Variants in UBE2E2 observed in about 807,000 individuals in gnomAD.
UBE2E2 encodes the protein ubiquitin-conjugating enzyme E2 E2.
Under a neutral mutation model 24.7 loss-of-function variants are expected in UBE2E2, and 6 were observed. That is an observed-to-expected ratio of 0.24 (90% CI 0.13 to 0.48). The LOEUF is 0.48. Ranked by LOEUF, UBE2E2 falls within the 20% of genes least tolerant of loss-of-function variation. The pLI is 0.99. For missense variants in UBE2E2, 169 were observed against 245.0 expected (o/e 0.69, Z 2.07); for synonymous variants, 104 against 83.6 (o/e 1.24, Z -1.33).
At chr3:23,447,430 GAGTT>G (rs1698460934) in intron 3 of UBE2E2, among the ~76,000 whole-genome samples, 1 of 152,176 alleles carries the variant, frequency 6.6e-6, no homozygotes, top group Non-Finnish European at 1.5e-5. Context: ...TAGTTATTGT[GAGTT>G]AGTTGTAGTT....
intron 3 of UBE2E2, among the ~76,000 whole-genome samples, chr3:23,422,121 T>G (rs928842520): frequency 2.0e-5 from 3 of 152,182 alleles, no homozygotes; most frequent in Admixed American, 6.5e-5. Context: ...ATTATAAATA[T>G]TTATATTCCA....
At chr3:23,562,416 A>C (rs569337372) in intron 5 of UBE2E2, among the ~76,000 whole-genome samples, 2 of 152,354 alleles carry the variant, frequency 1.3e-5, no homozygotes, top group South Asian at 4.1e-4. Context: ...CCAGGAAAGA[A>C]GCCCACTTGA....
At chr3:23,449,930 G>A (rs1403039979) in intron 3 of UBE2E2, 4 of 985,262 alleles carry the variant, frequency 4.1e-6, no homozygotes, top group Non-Finnish European at 4.8e-6. Flanking sequence ...CCCCTAGTGA[G>A]GAAATGTACC....
intron 5 of UBE2E2, among the ~76,000 whole-genome samples, chr3:23,548,562 G>A (rs923767622): frequency 4.6e-5 from 7 of 152,148 alleles, no homozygotes; most frequent in South Asian, 4.2e-4. Flanking sequence ...AGAACTTTGC[G>A]GTGTATTCTT....
intron 4 of UBE2E2, 75 bp from the exon 5 acceptor site, chr3:23,532,479 T>A: frequency 7.5e-7 from 1 of 1,331,368 alleles, no homozygotes; most frequent in Non-Finnish European, 9.9e-7. Context: ...GGCAATTTTA[T>A]TAGACAAAAA....
chr3:23,349,339 AG>A (rs1695655695), intron 3 of UBE2E2, among the ~76,000 whole-genome samples: 1 of 152,170 alleles, frequency 6.6e-6, no homozygotes. Context: ...TTTCCATCTG[AG>A]GTACTGGGTT....
rs369501036 is a variant in UBE2E2 at position 23,588,479 on chromosome 3, C to T, written c.509-1255C>T. On this transcript the variant is annotated intron_variant, in intron 5 of 5. Transcript: ENST00000396703. ...TCACCCAGGCTGGTATGTGGTGGCA[C>T]GATCATAGCTCACTACAGACTCAAA... Among the ~76,000 whole-genome samples the T allele has an allele frequency of 2.7e-4, 40 of 147,862 alleles. 1 individual carries two copies. In the East Asian group the frequency reaches 7.4e-3, roughly 27 times the overall value.
At chr3:23,459,120 T>A (rs1469850543) in intron 3 of UBE2E2, among the ~76,000 whole-genome samples, 2 of 152,232 alleles carry the variant, frequency 1.3e-5, no homozygotes, top group Non-Finnish European at 2.9e-5. Context: ...ACACAGATCT[T>A]CTGTGGTCAC....
intron 3 of UBE2E2, among the ~76,000 whole-genome samples, chr3:23,444,879 T>C (rs973382540): frequency 1.3e-5 from 2 of 152,218 alleles, no homozygotes; most frequent in Non-Finnish European, 2.9e-5. Context: ...TCAGTTATTT[T>C]ATAAGCCCTG....
chr3:23,362,688 C>T (rs184361696), intron 3 of UBE2E2, among the ~76,000 whole-genome samples: 4 of 152,250 alleles, frequency 2.6e-5, no homozygotes, highest in African/African-American at 9.6e-5. Flanking sequence ...CTCAGTAGTC[C>T]AGCTTCTGTG....
intron 3 of UBE2E2, among the ~76,000 whole-genome samples, chr3:23,305,624 G>T (rs1243467722): frequency 1.3e-5 from 2 of 152,208 alleles, no homozygotes; most frequent in Non-Finnish European, 2.9e-5. Context: ...GATGCTCAGA[G>T]GGAGGTCCGT....
chr3:23,313,166 G>C (rs1694458898), intron 3 of UBE2E2, among the ~76,000 whole-genome samples: 2 of 152,042 alleles, frequency 1.3e-5, no homozygotes, highest in African/African-American at 4.8e-5. Context: ...CTGTCTGGAT[G>C]ATCTGTTATA....
intron 1 of UBE2E2, among the ~76,000 whole-genome samples, chr3:23,203,699 C>G (rs1424499440): frequency 7.6e-6 from 1 of 131,530 alleles, no homozygotes; most frequent in Non-Finnish European, 1.6e-5. Context: ...TCCCCCCCTT[C>G]TGCCTCTTCT....
chr3:23,336,070 CTTA>C (rs1695201419), intron 3 of UBE2E2, among the ~76,000 whole-genome samples: 1 of 152,032 alleles, frequency 6.6e-6, no homozygotes, highest in Admixed American at 6.6e-5. Flanking sequence ...AGAAGACTGT[CTTA>C]TTTTCACTTA....
intron 4 of UBE2E2, among the ~76,000 whole-genome samples, chr3:23,507,697 A>C (rs1300267096): frequency 2.0e-5 from 3 of 152,214 alleles, no homozygotes; most frequent in Admixed American, 2.0e-4. Context: ...TATCCCTGGA[A>C]GAAGGAATAC....
chr3:23,370,197 C>G (rs1336579682), intron 3 of UBE2E2, among the ~76,000 whole-genome samples: 1 of 152,136 alleles, frequency 6.6e-6, no homozygotes, highest in East Asian at 1.9e-4. Context: ...TGTCTACATT[C>G]TTTGTTAAAC....
At chr3:23,204,664 A>G (rs1007167468) in intron 1 of UBE2E2, 13 of 981,762 alleles carry the variant, frequency 1.3e-5, no homozygotes, top group Non-Finnish European at 1.1e-5. Flanking sequence ...ATAATGCCAT[A>G]CCCCATTCTC....
At chr3:23,438,991 T>A (rs1698239700) in intron 3 of UBE2E2, among the ~76,000 whole-genome samples, 1 of 152,222 alleles carries the variant, frequency 6.6e-6, no homozygotes, top group Non-Finnish European at 1.5e-5. Flanking sequence ...TTGTCTTTAT[T>A]TTAAGGAAGG....
chr3:23,349,565 C>T (rs758498792), intron 3 of UBE2E2, among the ~76,000 whole-genome samples: 2 of 152,210 alleles, frequency 1.3e-5, no homozygotes, highest in African/African-American at 4.8e-5. Flanking sequence ...TAAAAAACGG[C>T]GCACCAGGAG....
Sources: allele counts gnomAD v4.1 joint callset (sites outside exome capture counted in the v4.1 genomes callset), GRCh38; gene constraint gnomAD v4.1.1; transcripts MANE v1.5; gene names NCBI Gene and HGNC (gene_info 2026-07-23, HGNC 2026-07-21).